Variants in VPS13D observed in about 807,000 individuals in gnomAD.
VPS13D encodes vacuolar protein sorting 13 homolog D.
A neutral mutation model predicts 461.9 loss-of-function variants in VPS13D; 187 were observed. The observed-to-expected ratio is 0.40, with a 90% CI of 0.36 to 0.46. The LOEUF (loss-of-function observed/expected upper bound fraction) is 0.46, where lower values mean the gene tolerates loss of function less well. Ranked by LOEUF, VPS13D falls within the 20% of genes least tolerant of loss-of-function variation. The pLI, the probability that VPS13D is intolerant of heterozygous loss-of-function variation, is 0.60. For missense variants in VPS13D, 4,711 were observed against 5,364.9 expected (o/e 0.88, Z 3.81); for synonymous variants, 1,951 against 1,986.3 (o/e 0.98, Z 0.47).
At position 12,509,945 on chromosome 1, in the gene VPS13D, A is replaced by T. The variant is rs545794358; in HGVS notation, c.*921A>T. ...TGCAACAAATCAGAAATCCACATAA[A>T]AGTGCTCTCCTGCCTGGGCAGCAAC... On this transcript the variant is annotated 3_prime_UTR_variant, in exon 70 of 70. Coordinates refer to ENST00000620676, the MANE Select transcript of VPS13D (RefSeq NM_015378.4). 6.6e-6 allele frequency: 1 copy of T among 152,310 alleles called. No homozygotes were observed. Among genetic ancestry groups the T allele is most frequent in the South Asian group, 2.1e-4 (1 of 4,828 alleles). The allele number at this position is 152,310 out of a possible 1,614,324, so 9.4% of individuals were successfully genotyped here.
chr1:12,438,240 TG>T (rs1557439101), intron 65 of VPS13D, among the ~76,000 whole-genome samples: 1 of 152,146 alleles, frequency 6.6e-6, no homozygotes, highest in Non-Finnish European at 1.5e-5. Flanking sequence ...AAGAGGTCAT[TG>T]GGGGTGATTA....
In VPS13D at chr1:12,455,988, C is replaced by A; in HGVS notation, c.12334-10C>A. 6.3e-7 allele frequency: 1 copy of A among 1,595,024 alleles called. No individual in the cohort carries two copies. The highest frequency in any genetic ancestry group is 8.5e-7 in the Non-Finnish European group (1 of 1,173,374). ...TTTAAAACTCTTCTCCTGCTTTTAA[C>A]TCCTTCTAGTTTGCTGGAACATTAT... On this transcript the variant is annotated splice_polypyrimidine_tract_variant and intron_variant, in intron 65 of 69. Transcript: ENST00000620676.
At position 12,249,444 on chromosome 1, in the gene VPS13D, C is replaced by T. The variant is rs1569672076; in HGVS notation, c.564+105C>T. ...TTATGTAAATGAATCACATTCTTTT[C>T]CATTGCCTTCTGTGATAGGCATGGG... On this transcript the variant is annotated intron_variant, in intron 6 of 69. Coordinates refer to ENST00000620676, the MANE Select transcript of VPS13D (RefSeq NM_015378.4). 23 of 851,446 alleles carry T rather than the reference C, an allele frequency of 2.7e-5. 1 individual carries two copies. The highest frequency in any genetic ancestry group is 4.6e-4 in the Middle Eastern group (2 of 4,350). The allele number at this position is 851,446 out of a possible 1,614,324, so 52.7% of individuals were successfully genotyped here. A position where few individuals can be genotyped will look rare whatever the true frequency, so the allele number is the denominator to read the frequency against.
At chr1:12,477,392 C>T (rs1645646549) in intron 67 of VPS13D, among the ~76,000 whole-genome samples, 1 of 152,202 alleles carries the variant, frequency 6.6e-6, no homozygotes, top group South Asian at 2.1e-4. Flanking sequence ...CACTAATACA[C>T]AACAGCTCGA....
chr1:12,490,600 TA>T (rs1377744532), intron 67 of VPS13D, among the ~76,000 whole-genome samples: 5 of 152,172 alleles, frequency 3.3e-5, no homozygotes, highest in African/African-American at 1.2e-4. Context: ...TGATGGGAGC[TA>T]CAGGTCCGAG....
At chr1:12,394,540 G>A (rs753214248) in intron 60 of VPS13D, among the ~76,000 whole-genome samples, 6 of 152,122 alleles carry the variant, frequency 3.9e-5, no homozygotes, top group African/African-American at 9.7e-5. Flanking sequence ...TGTTCCCACC[G>A]TTAGATCTGA....
At position 12,313,961 on chromosome 1, in the gene VPS13D, T is replaced by C. The variant is rs574012856; in HGVS notation, c.6936-154T>C. ...ACTAACTCCATTTTGAGGAGTCTAT[T>C]AACAGAATCAACAAGAAAACTCAGA... On this transcript the variant is annotated intron_variant, in intron 29 of 69. Transcript: ENST00000620676. Among the ~76,000 whole-genome samples the C allele has an allele frequency of 2.0e-5, 3 of 152,330 alleles. No individual in the cohort carries two copies. The East Asian group carries it at 5.8e-4, about 29-fold the overall frequency.
At chr1:12,438,235 G>C (rs1645085965) in intron 65 of VPS13D, among the ~76,000 whole-genome samples, 1 of 152,176 alleles carries the variant, frequency 6.6e-6, no homozygotes, top group African/African-American at 2.4e-5. Context: ...GTGTCAAGAG[G>C]TCATTGGGGG....
At chr1:12,387,587 A>G (rs1275136441) in intron 60 of VPS13D, among the ~76,000 whole-genome samples, 2 of 152,064 alleles carry the variant, frequency 1.3e-5, no homozygotes, top group African/African-American at 4.8e-5. Flanking sequence ...CTGATTCACA[A>G]CTGGCACAGA....
At chr1:12,461,842 G>A (rs1645417061) in intron 67 of VPS13D, among the ~76,000 whole-genome samples, 1 of 152,168 alleles carries the variant, frequency 6.6e-6, no homozygotes, top group Non-Finnish European at 1.5e-5. Flanking sequence ...GAAAGAAACG[G>A]CTTGAATTTT....
At chr1:12,291,153 A>G in intron 23 of VPS13D, 29 bp downstream of exon 23, 1 of 1,601,940 alleles carries the variant, frequency 6.2e-7, no homozygotes, top group Non-Finnish European at 8.5e-7. Context: ...TTCTGACTTG[A>G]TATTTTATCA....
chr1:12,396,004 T>TAG (rs1644491514), intron 60 of VPS13D, among the ~76,000 whole-genome samples: 1 of 126,904 alleles, frequency 7.9e-6, no homozygotes, highest in African/African-American at 3.4e-5. Flanking sequence ...GAGATATATA[T>TAG]ATATATATAT....
chr1:12,493,259 C>G (rs996738329), intron 67 of VPS13D, among the ~76,000 whole-genome samples: 2 of 150,510 alleles, frequency 1.3e-5, no homozygotes, highest in African/African-American at 4.9e-5. Context: ...GAGGCCGAGG[C>G]GGGTGGATCA....
intron 18 of VPS13D, among the ~76,000 whole-genome samples, chr1:12,274,365 A>G (rs1265806422): frequency 6.6e-6 from 1 of 152,054 alleles, no homozygotes; most frequent in Non-Finnish European, 1.5e-5. Context: ...TAGTAGAGAC[A>G]GGGTTTCGCC....
chr1:12,463,135 ACTC>A (rs960501637), intron 67 of VPS13D, among the ~76,000 whole-genome samples: 1 of 151,852 alleles, frequency 6.6e-6, no homozygotes, highest in Non-Finnish European at 1.5e-5. Flanking sequence ...CTAACCATTC[ACTC>A]CTCCTAGAAG....
intron 65 of VPS13D, among the ~76,000 whole-genome samples, chr1:12,431,093 TAAAA>T (rs1644985592): frequency 6.6e-6 from 1 of 152,220 alleles, no homozygotes; most frequent in Non-Finnish European, 1.5e-5. Flanking sequence ...TAACTTATGT[TAAAA>T]AATTGAATTT....
At chr1:12,372,805 T>C (rs1425272302) in intron 54 of VPS13D, among the ~76,000 whole-genome samples, 1 of 151,038 alleles carries the variant, frequency 6.6e-6, no homozygotes, top group East Asian at 1.9e-4. Flanking sequence ...ATTACCTTTT[T>C]TTTTTTTTTT....
At chr1:12,342,526 C>T (rs1220743680) in intron 41 of VPS13D, among the ~76,000 whole-genome samples, 1 of 152,182 alleles carries the variant, frequency 6.6e-6, no homozygotes, top group Non-Finnish European at 1.5e-5. Flanking sequence ...TCCGACCTCC[C>T]CCAAGTATGA....
rs796776170 is a variant in VPS13D at position 12,361,395 on chromosome 1, A to ATTTT, written c.10142-1322_10142-1321insTTTT. Among the ~76,000 whole-genome samples, 786 of 133,282 alleles carry ATTTT rather than the reference A, an allele frequency of 5.9e-3. 23 individuals are homozygous for ATTTT. Among genetic ancestry groups the ATTTT allele is most frequent in the African/African-American group, 0.024 (657 of 27,918 alleles). The allele number at this position is 133,282 out of a possible 152,430, so 87.4% of individuals were successfully genotyped here. ...TTTTTATTTATTTATTTATTTATTT[A>ATTTT]TTTATTTATTTTTTTTTTGAGACGG... On this transcript the variant is annotated intron_variant, in intron 50 of 69. Transcript: ENST00000620676.
Sources: gnomAD v4.1 joint callset for allele counts (sites outside exome capture counted in the v4.1 genomes callset) on GRCh38, gnomAD v4.1.1 for gene constraint, MANE v1.5 for transcripts, NCBI Gene and HGNC (gene_info 2026-07-23, HGNC 2026-07-21) for gene names.